The following SGCZ variants were observed in gnomAD, a reference collection of about 807,000 sequenced individuals.
SGCZ encodes sarcoglycan zeta.
Under a neutral mutation model 41.3 loss-of-function variants are expected in SGCZ, and 40 were observed. The observed-to-expected ratio is 0.97, with a 90% CI of 0.75 to 1.26. The LOEUF is 1.26. Ranked by LOEUF, SGCZ falls within the 50% of genes most tolerant of loss-of-function variation. The probability of loss-of-function intolerance (pLI) is 0.00; values close to 1 mark genes in which losing one functional copy is unlikely to be tolerated. For synonymous variants in SGCZ, 206 were observed against 137.5 expected, an observed-to-expected ratio of 1.50 and a Z score of -3.49; for missense variants, 552 against 369.8, an observed-to-expected ratio of 1.49 and a Z score of -4.04.
intron 1 of SGCZ, among the ~76,000 whole-genome samples, chr8:14,744,249 C>T (rs1799280377): frequency 2.0e-5 from 3 of 152,154 alleles, no homozygotes. Context: ...GCTACGTGCA[C>T]TGCACAATAT....
intron 4 of SGCZ, among the ~76,000 whole-genome samples, chr8:14,183,762 G>T (rs1804810652): frequency 6.6e-6 from 1 of 152,090 alleles, no homozygotes; most frequent in Non-Finnish European, 1.5e-5. Flanking sequence ...ACTAAGAAAG[G>T]AGAAAACAAT....
intron 1 of SGCZ, among the ~76,000 whole-genome samples, chr8:14,615,585 G>A (rs1211244503): frequency 6.6e-6 from 1 of 152,188 alleles, no homozygotes; most frequent in Non-Finnish European, 1.5e-5. Flanking sequence ...TTCTTTCACA[G>A]ATGATGGATC....
intron 5 of SGCZ, among the ~76,000 whole-genome samples, chr8:14,138,088 T>A (rs1167485733): frequency 6.6e-6 from 1 of 152,112 alleles, no homozygotes; most frequent in African/African-American, 2.4e-5. Context: ...CTAAGCTTCA[T>A]AAGTGAAGGA....
chr8:14,488,991 CATAATAT>C (rs1296416702), intron 2 of SGCZ, among the ~76,000 whole-genome samples: 1 of 146,660 alleles, frequency 6.8e-6, no homozygotes, highest in Non-Finnish European at 1.5e-5. Context: ...TATAGATATA[CATAATAT>C]ATATGTATAT....
chr8:14,706,247 T>A (rs1198584795), intron 1 of SGCZ, among the ~76,000 whole-genome samples: 1 of 152,000 alleles, frequency 6.6e-6, no homozygotes, highest in Non-Finnish European at 1.5e-5. Flanking sequence ...CTGCCCTTTT[T>A]AAAACCAGAA....
intron 1 of SGCZ, among the ~76,000 whole-genome samples, chr8:15,225,737 C>T (rs961299026): frequency 6.6e-6 from 1 of 152,082 alleles, no homozygotes; most frequent in Non-Finnish European, 1.5e-5. Flanking sequence ...ACTGGCTGGA[C>T]AGAGGGAAAG....
intron 2 of SGCZ, among the ~76,000 whole-genome samples, chr8:14,551,176 G>A (rs957183519): frequency 2.0e-5 from 3 of 146,776 alleles, no homozygotes; most frequent in Non-Finnish European, 4.5e-5. Flanking sequence ...CCAAACCTTA[G>A]TTGGTACTTT....
intron 1 of SGCZ, among the ~76,000 whole-genome samples, chr8:15,135,849 G>C (rs973873036): frequency 2.0e-5 from 3 of 152,180 alleles, no homozygotes; most frequent in Non-Finnish European, 2.9e-5. Context: ...ATTGCTCCTT[G>C]AGGAGCAGGG....
rs528109603 is a variant in SGCZ at position 14,179,624 on chromosome 8, G to A, written c.425-14922C>T. On this transcript the variant is annotated intron_variant, in intron 4 of 7. Coordinates refer to ENST00000382080, the MANE Select transcript of SGCZ (RefSeq NM_139167.4). The stretch of plus-strand genomic sequence containing the variant: ...TGCTCTACAAATAGTCATGGATGGC[G>A]TAAAAGACAGGAAATGGGAAGGTAA... Among the ~76,000 whole-genome samples, 347 of 152,246 alleles carry A rather than the reference G, an allele frequency of 2.3e-3. 3 individuals carry two copies. The highest frequency in any genetic ancestry group is 3.6e-3 in the Non-Finnish European group (243 of 68,022).
chr8:15,043,212 T>C (rs1355210651), intron 1 of SGCZ, among the ~76,000 whole-genome samples: 2 of 152,342 alleles, frequency 1.3e-5, no homozygotes, highest in East Asian at 3.9e-4. Flanking sequence ...TAAGCATTTA[T>C]TTGTTTTTAA....
chr8:14,506,699 A>T (rs374709310), intron 2 of SGCZ, among the ~76,000 whole-genome samples: 1 of 152,160 alleles, frequency 6.6e-6, no homozygotes, highest in Admixed American at 6.5e-5. Flanking sequence ...GTGATCAAGG[A>T]TATCAATGGC....
At chr8:14,893,321 C>A (rs1042217270) in intron 1 of SGCZ, among the ~76,000 whole-genome samples, 35 of 152,118 alleles carry the variant, frequency 2.3e-4, no homozygotes, top group African/African-American at 8.0e-4. Context: ...CTCTCTCCTA[C>A]AATCTCCAGA....
chr8:14,267,222 T>A (rs568973623), intron 3 of SGCZ, among the ~76,000 whole-genome samples: 8 of 152,194 alleles, frequency 5.3e-5, no homozygotes, highest in African/African-American at 7.2e-5. Flanking sequence ...CTGGGGTATG[T>A]ATATCCATCA....
rs201479530 is a variant in SGCZ, at chr8:14,309,402, G to A, written c.336+14701C>T. On this transcript the variant is annotated intron_variant, in intron 3 of 7. Coordinates refer to ENST00000382080, the MANE Select transcript of SGCZ (RefSeq NM_139167.4). ...CAGCAGAGACGAAGTGACCTCGATCGCTTTTGGCTAGAGACACTTCTGTGC... is the reference window on the plus strand; with the variant it reads ...CAGCAGAGACGAAGTGACCTCGATCACTTTTGGCTAGAGACACTTCTGTGC... 66 of 1,606,158 alleles carry A rather than the reference G, an allele frequency of 4.1e-5. 1 individual carries two copies. The East Asian group carries it at 1.3e-3, about 32-fold the overall frequency.
chr8:14,207,025 C>G (rs1805638344), intron 4 of SGCZ, among the ~76,000 whole-genome samples: 1 of 152,134 alleles, frequency 6.6e-6, no homozygotes, highest in Non-Finnish European at 1.5e-5. Flanking sequence ...TTGTGGAGAA[C>G]TATTTAAATT....
At chr8:15,035,582 G>A (rs1034675124) in intron 1 of SGCZ, among the ~76,000 whole-genome samples, 2 of 151,942 alleles carry the variant, frequency 1.3e-5, no homozygotes, top group Non-Finnish European at 2.9e-5. Flanking sequence ...ACATAAGACC[G>A]AACAATATGC....
At chr8:14,402,638 A>G (rs1799109463) in intron 2 of SGCZ, among the ~76,000 whole-genome samples, 1 of 142,302 alleles carries the variant, frequency 7.0e-6, no homozygotes, top group Non-Finnish European at 1.5e-5. Flanking sequence ...GTTCTGTTCC[A>G]TTGATCTATA....
At chr8:14,231,027 G>C (rs955463443) in intron 4 of SGCZ, among the ~76,000 whole-genome samples, 2 of 151,976 alleles carry the variant, frequency 1.3e-5, no homozygotes, top group Non-Finnish European at 2.9e-5. Context: ...AATTATGTTG[G>C]AGTATATTGC....
chr8:14,506,531 A>G (rs1802310557), intron 2 of SGCZ, among the ~76,000 whole-genome samples: 1 of 151,938 alleles, frequency 6.6e-6, no homozygotes, highest in East Asian at 1.9e-4. Flanking sequence ...TCCTAATTCC[A>G]CATCCCTTTT....
Sources: gnomAD v4.1 joint callset for allele counts (sites outside exome capture counted in the v4.1 genomes callset) on GRCh38, gnomAD v4.1.1 for gene constraint, MANE v1.5 for transcripts, NCBI Gene and HGNC (gene_info 2026-07-23, HGNC 2026-07-21) for gene names.